Variants in CAMTA1 observed in about 807,000 individuals in gnomAD.
CAMTA1 encodes the protein calmodulin binding transcription activator 1.
CAMTA1 carries 27 observed loss-of-function variants against 170.9 expected under a neutral mutation model. The observed-to-expected ratio is 0.16, with a 90% confidence interval of 0.12 to 0.22. The LOEUF is 0.22. CAMTA1 is among the 10% of genes least tolerant of loss of function. The pLI is 1.00. For synonymous variants in CAMTA1, 833 were observed against 891.5 expected (o/e 0.93, Z 1.17); for missense variants, 1,619 against 2,217.2 (o/e 0.73, Z 5.42).
intron 3 of CAMTA1, among the ~76,000 whole-genome samples, chr1:7,042,077 G>T (rs1704545574): frequency 6.7e-6 from 1 of 149,234 alleles, no homozygotes; most frequent in Non-Finnish European, 1.5e-5. Context: ...GTGCTTGCTT[G>T]TGCTAAGGTT....
intron 3 of CAMTA1, among the ~76,000 whole-genome samples, chr1:6,866,075 G>T (rs1666484932): frequency 6.6e-6 from 1 of 152,216 alleles, no homozygotes; most frequent in African/African-American, 2.4e-5. Context: ...CTTGGTGCCT[G>T]TGTTGAGGAG....
intron 5 of CAMTA1, among the ~76,000 whole-genome samples, chr1:7,367,117 T>C (rs2150022274): frequency 6.6e-6 from 1 of 152,318 alleles, no homozygotes; most frequent in Admixed American, 6.5e-5. Flanking sequence ...ACCTCCATTA[T>C]GAGAAAGAGA....
At position 7,353,635 on chromosome 1, in the gene CAMTA1, G is replaced by A. The variant is rs553811720; in HGVS notation, c.438+104009G>A. ...GATGGGGTTTCACCATGTTGGTCAG[G>A]CTGGTCTTGAACTCCTGACCTCAGG... On this transcript the variant is annotated intron_variant, in intron 5 of 22. Transcript: ENST00000303635. 5.3e-5 allele frequency among the ~76,000 whole-genome samples: 8 copies of A among 152,184 alleles called. No individual in the cohort carries two copies. In the South Asian group the frequency reaches 8.3e-4, roughly 16 times the overall value.
chr1:7,766,118 G>A (rs2097022525), intron 22 of CAMTA1, among the ~76,000 whole-genome samples: 1 of 151,850 alleles, frequency 6.6e-6, no homozygotes, highest in Non-Finnish European at 1.5e-5. Flanking sequence ...TGGTCCACGA[G>A]ACTAAAAAGA....
intron 1 of CAMTA1, among the ~76,000 whole-genome samples, chr1:6,815,172 T>C (rs1645635970): frequency 1.3e-5 from 2 of 152,158 alleles, no homozygotes; most frequent in African/African-American, 4.8e-5. Context: ...ACAGGGAATA[T>C]ATATTATAGA....
chr1:6,876,712 G>T (rs1023783170), intron 3 of CAMTA1, among the ~76,000 whole-genome samples: 1 of 152,120 alleles, frequency 6.6e-6, no homozygotes, highest in African/African-American at 2.4e-5. Flanking sequence ...AAAGAAGTAG[G>T]TACTGCCCGT....
Position 7,014,827 on chromosome 1 carries a change from G to A in CAMTA1, c.235-76477G>A, listed in dbSNP as rs1033276281. ...CCCTGCAGCATGTCGGGGGCCGGGT[G>A]GGGGAGCGGGTGGTGGCATCAGTGG... On this transcript the variant is annotated intron_variant, in intron 3 of 22. Coordinates refer to ENST00000303635, the MANE Select transcript of CAMTA1 (RefSeq NM_015215.4). The surrounding 1 kb of genome is among the most constrained non-coding windows in gnomAD (Gnocchi z 4.2). Among the ~76,000 whole-genome samples, 2 of 152,122 alleles carry A rather than the reference G, an allele frequency of 1.3e-5. No individual in the cohort carries two copies. The highest frequency in any genetic ancestry group is 2.4e-5 in the African/African-American group (1 of 41,430).
intron 4 of CAMTA1, among the ~76,000 whole-genome samples, chr1:7,236,210 G>A (rs932932935): frequency 6.6e-6 from 1 of 152,234 alleles, no homozygotes; most frequent in East Asian, 1.9e-4. Flanking sequence ...GGCTGTCGCC[G>A]TGGCTTCTTG....
chr1:7,692,508 GGAAAGAAAGAAC>G (rs1254331353), intron 11 of CAMTA1, among the ~76,000 whole-genome samples: 2 of 152,152 alleles, frequency 1.3e-5, no homozygotes, highest in African/African-American at 4.8e-5. Context: ...GCCTGGTGAA[GGAAAGAAAGAAC>G]GAAAGAAAGA....
At chr1:7,689,270 A>AT (rs1228834286) in intron 11 of CAMTA1, among the ~76,000 whole-genome samples, 1 of 150,110 alleles carries the variant, frequency 6.7e-6, no homozygotes, top group Non-Finnish European at 1.5e-5. Context: ...TCCTTCTCAA[A>AT]AAAAAAAAAA....
intron 3 of CAMTA1, among the ~76,000 whole-genome samples, chr1:6,896,113 G>A (rs1213879554): frequency 6.6e-6 from 1 of 152,086 alleles, no homozygotes; most frequent in Admixed American, 6.5e-5. Flanking sequence ...TCAAATTCTT[G>A]CCCACATTTT....
chr1:7,444,866 G>T (rs907868560), intron 5 of CAMTA1, among the ~76,000 whole-genome samples: 1 of 152,180 alleles, frequency 6.6e-6, no homozygotes, highest in African/African-American at 2.4e-5. Flanking sequence ...ACAAGCAATT[G>T]AGCACCTACT....
intron 6 of CAMTA1, among the ~76,000 whole-genome samples, chr1:7,496,157 C>T (rs2093823569): frequency 6.6e-6 from 1 of 152,212 alleles, no homozygotes; most frequent in Non-Finnish European, 1.5e-5. Flanking sequence ...GCTGCCTTTG[C>T]CTGAGGTCAG....
intron 6 of CAMTA1, among the ~76,000 whole-genome samples, chr1:7,555,589 C>T (rs1427423220): frequency 6.9e-6 from 1 of 145,590 alleles, no homozygotes; most frequent in Non-Finnish European, 1.5e-5. Context: ...ACCCAAGGAG[C>T]CGAATGAGGT....
intron 11 of CAMTA1, among the ~76,000 whole-genome samples, chr1:7,725,271 C>T (rs568820308): frequency 2.0e-5 from 3 of 152,158 alleles, no homozygotes; most frequent in Non-Finnish European, 4.4e-5. Flanking sequence ...TAGAGAAACA[C>T]GAGAGGCGGA....
At chr1:7,205,948 G>A (rs1187928461) in intron 4 of CAMTA1, among the ~76,000 whole-genome samples, 3 of 152,180 alleles carry the variant, frequency 2.0e-5, no homozygotes, top group Admixed American at 6.5e-5. Flanking sequence ...TGTTCCAGCA[G>A]CATTTATTTA....
At chr1:7,391,226 A>C (rs1162624121) in intron 5 of CAMTA1, among the ~76,000 whole-genome samples, 2 of 151,290 alleles carry the variant, frequency 1.3e-5, no homozygotes, top group Non-Finnish European at 2.9e-5. Context: ...CCAACTCCTG[A>C]CCTCAGGTGA....
chr1:7,680,107 G>A lies in CAMTA1; in HGVS notation c.2914+2374G>A. Reference sequence around the variant, plus strand: ...AGCGCCGCAGTCGCAGCGCAAAGGGGGCCGCGGGAACAGCTAGTCGGGAGC... The same window carrying A: ...AGCGCCGCAGTCGCAGCGCAAAGGGAGCCGCGGGAACAGCTAGTCGGGAGC... On this transcript the variant is annotated intron_variant, in intron 11 of 22. Transcript: ENST00000303635. The surrounding 1 kb of genome is among the most constrained non-coding windows in gnomAD (Gnocchi z 4.4). 1 of 176,110 alleles carries A rather than the reference G, an allele frequency of 5.7e-6. No homozygotes were observed. Among genetic ancestry groups the A allele is most frequent in the South Asian group, 8.0e-5 (1 of 12,504 alleles). The allele number at this position is 176,110 out of a possible 1,614,324, so 10.9% of individuals were successfully genotyped here. A position where few individuals can be genotyped will look rare whatever the true frequency, so the allele number is the denominator to read the frequency against.
chr1:6,944,781 C>G (rs949313034), intron 3 of CAMTA1, among the ~76,000 whole-genome samples: 1 of 152,232 alleles, frequency 6.6e-6, no homozygotes, highest in African/African-American at 2.4e-5. Flanking sequence ...AGTTTTTCCA[C>G]TGTACCAATG....
Sources: allele counts gnomAD v4.1 joint callset (sites outside exome capture counted in the v4.1 genomes callset), GRCh38; gene constraint gnomAD v4.1.1; non-coding constraint Gnocchi (gnomAD v3.1); transcripts MANE v1.5; gene names NCBI Gene and HGNC (gene_info 2026-07-23, HGNC 2026-07-21).